RPTOR: variants seen among roughly 807,000 people sequenced by gnomAD.
The protein encoded by RPTOR is regulatory-associated protein of mTOR.
In RPTOR, 21 loss-of-function variants were observed where a neutral mutation model predicts 169.9. That is an observed-to-expected ratio of 0.12 (90% CI 0.09 to 0.18). The LOEUF (loss-of-function observed/expected upper bound fraction) is 0.18. Among genes scored for constraint, RPTOR ranks in the 10% least tolerant of loss-of-function variants. RPTOR has a pLI of 1.00. For synonymous variants in RPTOR, 732 were observed against 753.2 expected, an observed-to-expected ratio of 0.97 and a Z score of 0.46; for missense variants, 1,133 against 1,855.9, an observed-to-expected ratio of 0.61 and a Z score of 7.16.
intron 4 of RPTOR, chr17:80,709,222 C>G (rs1360109811): frequency 2.4e-6 from 1 of 411,062 alleles, no homozygotes; most frequent in Non-Finnish European, 3.3e-6. Flanking sequence ...TGAGTAAATT[C>G]AAAACGATCG....
chr17:80,642,736 C>T (rs1385930208), intron 2 of RPTOR, among the ~76,000 whole-genome samples: 6 of 152,202 alleles, frequency 3.9e-5, no homozygotes, highest in African/African-American at 1.4e-4. Context: ...TAGTATCAAA[C>T]AAAAAGAGTC....
At chr17:80,718,471 T>A (rs907262784) in intron 4 of RPTOR, among the ~76,000 whole-genome samples, 33 of 152,318 alleles carry the variant, frequency 2.2e-4, no homozygotes, top group African/African-American at 7.9e-4. Flanking sequence ...AAAGCCGAAT[T>A]GCATGATGAT....
At chr17:80,853,649 A>T (rs116052935) in intron 11 of RPTOR, among the ~76,000 whole-genome samples, 1 of 152,224 alleles carries the variant, frequency 6.6e-6, no homozygotes. Flanking sequence ...CATAGCCACC[A>T]TTAAGGAAAA....
At chr17:80,817,926 G>A (rs1393706116) in intron 7 of RPTOR, among the ~76,000 whole-genome samples, 1 of 152,166 alleles carries the variant, frequency 6.6e-6, no homozygotes, top group Admixed American at 6.5e-5. Flanking sequence ...GCAGGGCCGG[G>A]GTCATCATGA....
chr17:80,744,415 C>CCCTGGTTACGAGCACTGT (rs1555613796), intron 5 of RPTOR, among the ~76,000 whole-genome samples: 1 of 28,628 alleles, frequency 3.5e-5, no homozygotes, highest in Admixed American at 5.0e-4. Context: ...ACTAGCACAG[C>CCCTGGTTACGAGCACTGT]CCTGGCTACT....
At chr17:80,718,339 C>T (rs1211383162) in intron 4 of RPTOR, among the ~76,000 whole-genome samples, 2 of 152,186 alleles carry the variant, frequency 1.3e-5, no homozygotes, top group Non-Finnish European at 2.9e-5. Flanking sequence ...TTTTGTCTTG[C>T]ACTATGTTCT....
At chr17:80,964,209 C>CCCCCGG in intron 33 of RPTOR, 53 bp from the exon 34 acceptor site, 125 of 1,325,334 alleles carry the variant, frequency 9.4e-5, no homozygotes, top group Non-Finnish European at 1.2e-4. Flanking sequence ...CCCCGCCCCC[C>CCCCCGG]GCAGTGTCTG....
chr17:80,953,194 C>T (rs942135802), intron 28 of RPTOR, among the ~76,000 whole-genome samples: 2 of 152,182 alleles, frequency 1.3e-5, no homozygotes, highest in Non-Finnish European at 2.9e-5. Flanking sequence ...GCAGCCACCA[C>T]CTTTATCTAG....
intron 14 of RPTOR, among the ~76,000 whole-genome samples, chr17:80,882,294 C>T (rs756154117): frequency 7.9e-5 from 12 of 152,178 alleles, no homozygotes; most frequent in Admixed American, 2.6e-4. Context: ...AGGAGAGTTC[C>T]GATTTTAAAA....
At chr17:80,702,015 T>C (rs535142058) in intron 3 of RPTOR, among the ~76,000 whole-genome samples, 1 of 152,228 alleles carries the variant, frequency 6.6e-6, no homozygotes, top group Non-Finnish European at 1.5e-5. Context: ...TGCTCAGGGC[T>C]CTCCAGGGTC....
intron 24 of RPTOR, among the ~76,000 whole-genome samples, chr17:80,927,458 A>T (rs1300295855): frequency 1.3e-5 from 2 of 152,222 alleles, no homozygotes; most frequent in Admixed American, 6.5e-5. Flanking sequence ...GAGGAATGGC[A>T]TAGATAATCC....
intron 3 of RPTOR, among the ~76,000 whole-genome samples, chr17:80,667,495 A>G (rs2065789889): frequency 6.6e-6 from 1 of 152,162 alleles, no homozygotes; most frequent in South Asian, 2.1e-4. Context: ...TACTCATCCC[A>G]CTTTCGAAGT....
chr17:80,770,680 A>G (rs74001037), intron 6 of RPTOR, among the ~76,000 whole-genome samples: 20,842 of 152,222 alleles, frequency 0.14, 1,795 homozygotes, highest in Non-Finnish European at 0.19. Context: ...CTAAGAGGAA[A>G]ATCGCACTGC....
At chr17:80,808,587 T>C (rs77459441) in intron 7 of RPTOR, among the ~76,000 whole-genome samples, 4,803 of 152,300 alleles carry the variant, frequency 0.032, 283 homozygotes, top group African/African-American at 0.11. Context: ...GCTGTACAAC[T>C]GATGAGTTTG....
chr17:80,741,843 G>A (rs1350557251), intron 5 of RPTOR, among the ~76,000 whole-genome samples: 1 of 152,170 alleles, frequency 6.6e-6, no homozygotes, highest in African/African-American at 2.4e-5. Flanking sequence ...TCGGTGGTGT[G>A]TGTAGAGTCT....
chr17:80,799,881 G>A (rs7222643), intron 7 of RPTOR, among the ~76,000 whole-genome samples: 33,229 of 151,962 alleles, frequency 0.22, 3,954 homozygotes, highest in African/African-American at 0.31. Flanking sequence ...GGGCAGGTGT[G>A]TTTGTCACGC....
intron 14 of RPTOR, among the ~76,000 whole-genome samples, chr17:80,881,571 C>A (rs756195137): frequency 9.2e-5 from 14 of 152,220 alleles, no homozygotes; most frequent in Admixed American, 2.0e-4. Context: ...GTAATCCCAG[C>A]GCTTTGGGAG....
intron 1 of RPTOR, among the ~76,000 whole-genome samples, chr17:80,572,674 G>C (rs543970355): frequency 6.6e-6 from 1 of 152,056 alleles, no homozygotes; most frequent in Admixed American, 6.6e-5. Flanking sequence ...GCAGTGAGTC[G>C]AGATCGCACC....
At chr17:80,711,528 T>C (rs1207980525) in intron 4 of RPTOR, among the ~76,000 whole-genome samples, 2 of 152,156 alleles carry the variant, frequency 1.3e-5, no homozygotes, top group Non-Finnish European at 2.9e-5. Flanking sequence ...TTTTCCCAAG[T>C]GTTTGCAAAA....
Sources: gnomAD v4.1 joint callset for allele counts (sites outside exome capture counted in the v4.1 genomes callset) on GRCh38, gnomAD v4.1.1 for gene constraint, MANE v1.5 for transcripts, NCBI Gene and HGNC (gene_info 2026-07-23, HGNC 2026-07-21) for gene names.